CHD7: variants seen among roughly 807,000 people sequenced by gnomAD.
The protein encoded by CHD7 is ATP-dependent chromatin remodeler CHD7.
A neutral mutation model predicts 307.3 loss-of-function variants in CHD7; 24 were observed. The observed-to-expected ratio is 0.08, with a 90% CI of 0.06 to 0.11. The LOEUF is 0.11. Among genes scored for constraint, CHD7 ranks in the 10% least tolerant of loss-of-function variants. CHD7 has a pLI of 1.00. For missense variants in CHD7, 3,106 were observed against 3,727.1 expected (o/e 0.83, Z 4.34); for synonymous variants, 1,363 against 1,349.9 (o/e 1.01, Z -0.21).
intron 15 of CHD7, 27 bp from the exon 16 acceptor site, chr8:60,836,046 T>G: frequency 6.5e-7 from 1 of 1,543,106 alleles, no homozygotes; most frequent in Non-Finnish European, 8.9e-7. Context: ...TTTACAGTAT[T>G]CACGTTATGC....
chr8:60,699,449 G>C (rs1210710711), intron 1 of CHD7, among the ~76,000 whole-genome samples: 2 of 152,082 alleles, frequency 1.3e-5, no homozygotes, highest in Non-Finnish European at 2.9e-5. Context: ...TGATTTAACT[G>C]TTTTGTTTCT....
Position 60,856,678 on chromosome 8 carries a change from C to T in CHD7, c.7398C>T (p.Ile2466=). Residue 2466 remains isoleucine (I), a synonymous_variant, in exon 34 of 38, where the codon ATC becomes ATT. Coordinates refer to ENST00000423902, the MANE Select transcript of CHD7 (RefSeq NM_017780.4). ...SNFSSLSSKF[I]LPNVSTPVSD... ...TTTCATCTCTTTCTTCAAAGTTTAT[C>T]TTGCCTAATGTCTCAACACCAGTGT... The T allele has an allele frequency of 1.2e-6, 2 of 1,614,062 alleles. No homozygotes were observed. The highest frequency in any genetic ancestry group is 1.7e-6 in the Non-Finnish European group (2 of 1,179,906).
chr8:60,684,987 T>C (rs77229418), intron 1 of CHD7, among the ~76,000 whole-genome samples: 2,800 of 152,182 alleles, frequency 0.018, 35 homozygotes, highest in Non-Finnish European at 0.029. Flanking sequence ...GAATAGGACT[T>C]GGGGATAGAT....
intron 2 of CHD7, among the ~76,000 whole-genome samples, chr8:60,765,464 A>G (rs754123923): frequency 6.6e-6 from 1 of 152,218 alleles, no homozygotes; most frequent in African/African-American, 2.4e-5. Flanking sequence ...TTGTGGGAGC[A>G]CTTGACTCCA....
intron 1 of CHD7, among the ~76,000 whole-genome samples, chr8:60,713,317 T>A (rs1807383133): frequency 6.6e-6 from 1 of 152,048 alleles, no homozygotes; most frequent in Non-Finnish European, 1.5e-5. Context: ...TTCGCCATAT[T>A]GGCCAGGCTG....
intron 3 of CHD7, among the ~76,000 whole-genome samples, chr8:60,783,775 G>C (rs935343394): frequency 2.6e-5 from 4 of 152,156 alleles, no homozygotes; most frequent in African/African-American, 9.7e-5. Context: ...GCCACACTGG[G>C]GGGGGCGGGG....
intron 1 of CHD7, among the ~76,000 whole-genome samples, chr8:60,693,542 G>T (rs1425741279): frequency 1.3e-5 from 2 of 152,176 alleles, no homozygotes; most frequent in Non-Finnish European, 2.9e-5. Context: ...GGGCAAGGTT[G>T]CCCTGTGCCT....
chr8:60,838,218 C>T lies in CHD7; in HGVS notation c.4496C>T (p.Thr1499Ile), dbSNP rs1298659860. 3 of 1,604,394 alleles carry T rather than the reference C, an allele frequency of 1.9e-6. No homozygotes were observed. Among genetic ancestry groups the T allele is most frequent in the Non-Finnish European group, 2.6e-6 (3 of 1,175,460 alleles). The part of the protein sequence containing the change: ...QILLRRTHTI[T>I]IESEGKGSTF... ...CTCCTACGTCGAACCCACACCATTA[C>T]CATTGAGTCAGAAGGGAAAGGTTCC... Residue 1499 changes from threonine to isoleucine, a missense_variant, in exon 19 of 38, where the codon ACC becomes ATC. Physicochemically the swap from Thr to Ile is moderately conservative, Grantham distance 89. Coordinates refer to ENST00000423902, the MANE Select transcript of CHD7 (RefSeq NM_017780.4).
chr8:60,762,962 G>A (rs1810293652), intron 2 of CHD7, among the ~76,000 whole-genome samples: 1 of 151,942 alleles, frequency 6.6e-6, no homozygotes, highest in African/African-American at 2.4e-5. Flanking sequence ...AGGATCACAT[G>A]ACAGTAGCAC....
At position 60,836,802 on chromosome 8, in the gene CHD7, A is replaced by G; in HGVS notation, c.3990-15A>G. ...CTATGCGTCAGGCCTCCTTGTTCAC[A>G]CTGATGTTTTCTAGGTACCCATATG... is the stretch of plus-strand genomic sequence containing the variant. On this transcript the variant is annotated splice_polypyrimidine_tract_variant and intron_variant, in intron 16 of 37. Transcript: ENST00000423902. The G allele has an allele frequency of 6.2e-7, 1 of 1,610,708 alleles. No individual in the cohort carries two copies.
intron 23 of CHD7, among the ~76,000 whole-genome samples, chr8:60,846,959 G>C (rs1162503012): frequency 6.6e-6 from 1 of 152,118 alleles, no homozygotes; most frequent in East Asian, 1.9e-4. Context: ...CAACCCTTTT[G>C]GTATCTCAGA....
At chr8:60,768,504 A>AGT (rs1228849979) in intron 2 of CHD7, among the ~76,000 whole-genome samples, 1 of 152,228 alleles carries the variant, frequency 6.6e-6, no homozygotes, top group African/African-American at 2.4e-5. Flanking sequence ...TGGGCTGCCC[A>AGT]GTGTTAGGGC....
chr8:60,755,683 T>G (rs1349154843), intron 2 of CHD7, among the ~76,000 whole-genome samples: 1 of 152,198 alleles, frequency 6.6e-6, no homozygotes, highest in African/African-American at 2.4e-5. Context: ...AATTGTAATC[T>G]ATATACAATC....
At chr8:60,765,236 C>A (rs1018791645) in intron 2 of CHD7, among the ~76,000 whole-genome samples, 1 of 151,000 alleles carries the variant, frequency 6.6e-6, no homozygotes, top group East Asian at 1.9e-4. Flanking sequence ...CACACGCACA[C>A]GCATGCATGC....
intron 6 of CHD7, among the ~76,000 whole-genome samples, chr8:60,802,698 A>G (rs552282742): frequency 1.7e-3 from 262 of 152,208 alleles, no homozygotes; most frequent in Non-Finnish European, 2.9e-3. Context: ...CCAGTAAGAG[A>G]GTTGAGGAAT....
chr8:60,687,652 C>A (rs974204995), intron 1 of CHD7, among the ~76,000 whole-genome samples: 6 of 152,132 alleles, frequency 3.9e-5, no homozygotes, highest in Non-Finnish European at 8.8e-5. Context: ...ACAGTAATAA[C>A]CATAATGACC....
chr8:60,811,361 G>T (rs1310013656), intron 7 of CHD7, among the ~76,000 whole-genome samples: 1 of 152,088 alleles, frequency 6.6e-6, no homozygotes, highest in Non-Finnish European at 1.5e-5. Flanking sequence ...TATCCTTTCT[G>T]TAATTTTTGG....
At chr8:60,855,194 T>C (rs923889881) in intron 32 of CHD7, 4 of 152,210 alleles carry the variant, frequency 2.6e-5, no homozygotes, top group Admixed American at 2.6e-4. Context: ...CCCAGTATTA[T>C]TGTGTAAGAA....
intron 1 of CHD7, among the ~76,000 whole-genome samples, chr8:60,712,301 T>G (rs1807317619): frequency 6.6e-6 from 1 of 152,228 alleles, no homozygotes; most frequent in Admixed American, 6.5e-5. Flanking sequence ...CTTCTACAGC[T>G]TAATCACGGA....
Sources: gnomAD v4.1 joint callset for allele counts (sites outside exome capture counted in the v4.1 genomes callset) on GRCh38, gnomAD v4.1.1 for gene constraint, MANE v1.5 for transcripts, NCBI Gene and HGNC (gene_info 2026-07-23, HGNC 2026-07-21) for gene names.